The following CDC42BPB variants were observed in gnomAD, a reference collection of about 807,000 sequenced individuals.
CDC42BPB encodes the protein CDC42 binding protein kinase beta, also known as serine/threonine-protein kinase MRCK beta.
Under a neutral mutation model 214.9 loss-of-function variants are expected in CDC42BPB, and 37 were observed. That is an observed-to-expected ratio of 0.17 (90% CI 0.13 to 0.23). The LOEUF is 0.23. Among genes scored for constraint, CDC42BPB ranks in the 10% least tolerant of loss-of-function variants. CDC42BPB has a pLI of 1.00. For missense variants in CDC42BPB, 1,694 were observed against 2,227.0 expected (o/e 0.76, Z 4.82); for synonymous variants, 931 against 884.0 (o/e 1.05, Z -0.94).
intron 3 of CDC42BPB, among the ~76,000 whole-genome samples, chr14:103,008,229 C>T (rs1335734930): frequency 1.3e-5 from 2 of 152,206 alleles, no homozygotes; most frequent in African/African-American, 2.4e-5. Flanking sequence ...AAACAGGACC[C>T]GCCAACATTC....
At chr14:102,999,880 G>A (rs1272181061) in intron 4 of CDC42BPB, 167 bp from the exon 5 acceptor site, 3 of 985,288 alleles carry the variant, frequency 3.0e-6, no homozygotes, top group East Asian at 1.1e-4. Context: ...CATGCGCCCC[G>A]ATGCGTCCAC....
In CDC42BPB at chr14:102,944,647, C is replaced by T. The variant is rs1892067463; in HGVS notation, c.3812-160G>A. 1.0e-6 allele frequency: 1 copy of T among 983,542 alleles called. No homozygotes were observed. The highest frequency in any genetic ancestry group is 1.8e-5 in the African/African-American group (1 of 55,552). The allele number at this position is 983,542 out of a possible 1,614,324, so 60.9% of individuals were successfully genotyped here. A position where few individuals can be genotyped will look rare whatever the true frequency, so the allele number is the denominator to read the frequency against. ...AGCCCGGCCCTGAGCCCGTCTCTGC[C>T]CACAGAGCCAGTGGCTTGAACGCCC... On this transcript the variant is annotated intron_variant, in intron 29 of 36. Transcript: ENST00000361246. This position sits in a 1 kb window ranked among gnomAD's most constrained non-coding sequence, Gnocchi z 6.6.
intron 17 of CDC42BPB, 70 bp from the exon 18 acceptor site, chr14:102,966,457 C>T (rs1025080517): frequency 4.7e-5 from 75 of 1,588,070 alleles, no homozygotes; most frequent in Middle Eastern, 1.7e-4. Flanking sequence ...AAGAAGGGGA[C>T]GTTCCCGCCT....
Position 102,946,697 on chromosome 14 carries a change from A to G in CDC42BPB, c.3532-13T>C. On this transcript the variant is annotated splice_polypyrimidine_tract_variant and intron_variant, in intron 27 of 36. Coordinates refer to ENST00000361246, the MANE Select transcript of CDC42BPB (RefSeq NM_006035.4). ...GAGAGGCCGTCACCTTCATGACAGGAAACAGAAGAGAAGAGAGAAGTCATC... is the reference window on the plus strand; with the variant it reads ...GAGAGGCCGTCACCTTCATGACAGGGAACAGAAGAGAAGAGAGAAGTCATC... 6.2e-7 allele frequency: 1 copy of G among 1,612,250 alleles called. No individual in the cohort carries two copies. Among genetic ancestry groups the G allele is most frequent in the Non-Finnish European group, 8.5e-7 (1 of 1,179,698 alleles).
intron 1 of CDC42BPB, chr14:103,041,598 C>A: frequency 1.1e-6 from 1 of 894,310 alleles, no homozygotes; most frequent in Non-Finnish European, 1.8e-6. Flanking sequence ...AAGTGCCCCA[C>A]ATTGCCCTGC....
intron 1 of CDC42BPB, among the ~76,000 whole-genome samples, chr14:103,014,460 G>C (rs928217847): frequency 2.6e-5 from 4 of 152,114 alleles, no homozygotes; most frequent in African/African-American, 9.7e-5. Context: ...TGCCTCTGGG[G>C]GAACTGAGTG....
In CDC42BPB at chr14:102,954,251, G is replaced by C; in HGVS notation, c.3013C>G (p.Pro1005Ala). 6.5e-7 allele frequency: 1 copy of C among 1,539,104 alleles called. No individual in the cohort carries two copies. Among genetic ancestry groups the C allele is most frequent in the Admixed American group, 2.1e-5 (1 of 47,322 alleles). The change falls in exon 23 of 37, where the codon CCA becomes GCA. Residue 1005 changes from proline (P) to alanine (A), a missense_variant. Pro to Ala is a conservative substitution (Grantham distance 27). This residue lies in a region of CDC42BPB where 156 missense variants were observed against 154.5 expected (regional missense o/e 1.01). Coordinates refer to ENST00000361246, the MANE Select transcript of CDC42BPB (RefSeq NM_006035.4). ...GTGGTGGGCAACGGCACAGCGGATGGCCTCTGCGGGGGCCGAGCCATGTCC... is the reference window on the plus strand; with the variant it reads ...GTGGTGGGCAACGGCACAGCGGATGCCCTCTGCGGGGGCCGAGCCATGTCC... ...QEDMARPPQR[P>A]SAVPLPTTQA... is the part of the protein sequence containing the mutation.
rs147122849 is a variant in CDC42BPB at position 102,933,558 on chromosome 14, T to C, written c.*154A>G. The C allele has an allele frequency of 1.9e-3, 1,179 of 616,200 alleles. 11 individuals carry two copies. In the African/African-American group the frequency reaches 0.021, roughly 11 times the overall value. The allele number at this position is 616,200 out of a possible 1,614,324, so 38.2% of individuals were successfully genotyped here. ...TGCCACGAACAATGCGGCATAAAAC[T>C]GATCAATATTATAATAAAGATTTGT... On this transcript the variant is annotated 3_prime_UTR_variant, in exon 37 of 37. Coordinates refer to ENST00000361246, the MANE Select transcript of CDC42BPB (RefSeq NM_006035.4).
At chr14:103,003,335 C>T (rs1895078047) in intron 4 of CDC42BPB, among the ~76,000 whole-genome samples, 2 of 152,264 alleles carry the variant, frequency 1.3e-5, no homozygotes, top group African/African-American at 4.8e-5. Context: ...ACCGCCAAGT[C>T]AGCTGCCTTA....
intron 30 of CDC42BPB, chr14:102,940,607 T>C (rs777329833): frequency 1.4e-6 from 1 of 712,828 alleles, no homozygotes; most frequent in African/African-American, 1.8e-5. Context: ...AAAAGTCTGG[T>C]TTTTCATTTA....
intron 20 of CDC42BPB, chr14:102,959,995 T>A (rs1300977580): frequency 4.6e-6 from 1 of 216,498 alleles, no homozygotes; most frequent in Non-Finnish European, 7.8e-6. Flanking sequence ...TCACCTGAGG[T>A]CAGGAGTTAA....
chr14:103,007,697 G>A (rs542294912), intron 3 of CDC42BPB, among the ~76,000 whole-genome samples: 27 of 152,334 alleles, frequency 1.8e-4, no homozygotes, highest in African/African-American at 6.3e-4. Flanking sequence ...CCATTGTGAT[G>A]AATGGCAGCC....
chr14:102,997,400 C>CTACTTG (rs1455964206), intron 5 of CDC42BPB, among the ~76,000 whole-genome samples: 1 of 152,176 alleles, frequency 6.6e-6, no homozygotes, highest in African/African-American at 2.4e-5. Flanking sequence ...CTGGAGGACA[C>CTACTTG]GCGCTACCAA....
At chr14:102,937,982 C>T in intron 36 of CDC42BPB, 122 bp downstream of exon 36, 3 of 1,033,070 alleles carry the variant, frequency 2.9e-6, no homozygotes, top group Middle Eastern at 2.9e-4. Context: ...CCGTCACCCT[C>T]ACACCGCAAG....
At chr14:102,974,281 T>TACGC (rs1893632883) in intron 11 of CDC42BPB, 132 bp from the exon 12 acceptor site, 2 of 1,316,052 alleles carry the variant, frequency 1.5e-6, no homozygotes, top group Non-Finnish European at 1.9e-6. Flanking sequence ...TTTTTTTACT[T>TACGC]ACACACACAC....
At chr14:102,934,350 T>G (rs555322963) in intron 36 of CDC42BPB, among the ~76,000 whole-genome samples, 1 of 151,776 alleles carries the variant, frequency 6.6e-6, no homozygotes, top group Non-Finnish European at 1.5e-5. Flanking sequence ...CTGGCTAACA[T>G]GGTGAAACCC....
At chr14:102,998,525 A>C (rs1566892122) in intron 5 of CDC42BPB, among the ~76,000 whole-genome samples, 2 of 152,262 alleles carry the variant, frequency 1.3e-5, no homozygotes, top group South Asian at 4.1e-4. Context: ...AAACCAAAAC[A>C]AACCACAGGA....
intron 1 of CDC42BPB, among the ~76,000 whole-genome samples, chr14:103,021,897 G>C (rs1005457953): frequency 1.3e-5 from 2 of 152,152 alleles, no homozygotes; most frequent in African/African-American, 4.8e-5. Flanking sequence ...CTGCTGGATG[G>C]GGCGTGCAGG....
chr14:102,946,324 C>T (rs1337670319), intron 28 of CDC42BPB, 144 bp downstream of exon 28: 32 of 906,956 alleles, frequency 3.5e-5, no homozygotes, highest in African/African-American at 6.7e-5. Flanking sequence ...CACCCGGCCT[C>T]GTCTGCTTCT....
Sources: gnomAD v4.1 joint callset for allele counts (sites outside exome capture counted in the v4.1 genomes callset) on GRCh38, gnomAD v4.1.1 for gene constraint, gnomAD v4.1.1 regional missense constraint, Gnocchi (gnomAD v3.1) non-coding constraint, MANE v1.5 for transcripts, NCBI Gene and HGNC (gene_info 2026-07-23, HGNC 2026-07-21) for gene names.